LINGO2: variants seen among roughly 807,000 people sequenced by gnomAD.
The protein encoded by LINGO2 is leucine rich repeat and Ig domain containing 2, also known as leucine-rich repeat and immunoglobulin-like domain-containing nogo receptor-interacting protein 2.
In LINGO2, 14 loss-of-function variants were observed where a neutral mutation model predicts 30.6. That is an observed-to-expected ratio of 0.46 (90% CI 0.30 to 0.72). The LOEUF is 0.72. Ranked by LOEUF, LINGO2 falls within the 30% of genes least tolerant of loss-of-function variation. LINGO2 has a pLI of 0.07. For missense variants in LINGO2, 729 were observed against 751.7 expected, an observed-to-expected ratio of 0.97 and a Z score of 0.35; for synonymous variants, 317 against 288.5, an observed-to-expected ratio of 1.10 and a Z score of -1.00.
intron 2 of LINGO2, among the ~76,000 whole-genome samples, chr9:28,387,705 T>G (rs570377083): frequency 5.9e-5 from 9 of 151,592 alleles, no homozygotes; most frequent in East Asian, 5.8e-4. Context: ...CTGCGAAGGT[T>G]TGCAGCTTCA....
chr9:27,996,033 A>G (rs1220806485), intron 5 of LINGO2, among the ~76,000 whole-genome samples: 1 of 152,168 alleles, frequency 6.6e-6, no homozygotes, highest in Non-Finnish European at 1.5e-5. Context: ...TAAATGAAAA[A>G]AAATGCTCAC....
exon 6 of LINGO2, chr9:27,948,767 C>T: frequency 2.0e-6 from 3 of 1,466,880 alleles, no homozygotes; most frequent in East Asian, 2.3e-5. Flanking sequence ...ACATGGCTGC[C>T]TCTTAATCTA....
At chr9:28,397,657 C>G (rs1301213683) in intron 2 of LINGO2, among the ~76,000 whole-genome samples, 2 of 149,658 alleles carry the variant, frequency 1.3e-5, no homozygotes, top group African/African-American at 4.9e-5. Context: ...ACACCATTCT[C>G]CTGCCTCAGC....
chr9:28,054,457 TAC>T (rs1203198448), intron 4 of LINGO2, among the ~76,000 whole-genome samples: 1 of 152,156 alleles, frequency 6.6e-6, no homozygotes, highest in African/African-American at 2.4e-5. Context: ...CTGACATATA[TAC>T]ACACAATTTT....
chr9:28,645,630 G>A lies in LINGO2; in HGVS notation c.-365+24570C>T, dbSNP rs1827803030. ...AACTCTCCAGATAGATCATTTGAGG[G>A]GACTGGTGACTAGAAAAAAATAAGA... On this transcript the variant is annotated intron_variant, in intron 1 of 5. Coordinates refer to ENST00000379992, the Ensembl canonical transcript of LINGO2. 1.3e-5 allele frequency among the ~76,000 whole-genome samples: 2 copies of A among 151,752 alleles called. 1 individual carries two copies. The highest frequency in any genetic ancestry group is 1.3e-4 in the Admixed American group (2 of 15,244).
At chr9:28,239,584 C>T (rs887397539) in intron 4 of LINGO2, among the ~76,000 whole-genome samples, 25 of 151,974 alleles carry the variant, frequency 1.6e-4, no homozygotes, top group African/African-American at 2.7e-4. Context: ...AAGTTCAACA[C>T]GCCTTCATAA....
chr9:28,366,832 A>G (rs1342906085), intron 3 of LINGO2, among the ~76,000 whole-genome samples: 2 of 152,118 alleles, frequency 1.3e-5, no homozygotes, highest in Non-Finnish European at 2.9e-5. Flanking sequence ...CTATAATAAT[A>G]TATTAATGGT....
At chr9:29,029,512 A>C in the LINGO2 span, among the ~76,000 whole-genome samples, 1 of 152,130 alleles carries the variant, frequency 6.6e-6, no homozygotes, top group Non-Finnish European at 1.5e-5. Flanking sequence ...AAAATTCACT[A>C]TGTAATCCCC....
chr9:28,556,173 G>A (rs1285370199), intron 1 of LINGO2, among the ~76,000 whole-genome samples: 4 of 152,070 alleles, frequency 2.6e-5, no homozygotes, highest in African/African-American at 7.2e-5. Context: ...AGGAAATAAA[G>A]GGTATTCAAT....
the LINGO2 span, among the ~76,000 whole-genome samples, chr9:29,184,918 G>T: frequency 6.6e-6 from 1 of 152,040 alleles, no homozygotes; most frequent in Non-Finnish European, 1.5e-5. Context: ...TTTTTTGCAT[G>T]TGCTATCAGT....
At chr9:28,044,926 G>A (rs771892527) in intron 4 of LINGO2, among the ~76,000 whole-genome samples, 28 of 152,038 alleles carry the variant, frequency 1.8e-4, no homozygotes, top group Non-Finnish European at 3.5e-4. Context: ...TAGGAGCGAT[G>A]GTGTAAAACT....
At chr9:28,212,289 A>G (rs187163690) in intron 4 of LINGO2, among the ~76,000 whole-genome samples, 149 of 151,546 alleles carry the variant, frequency 9.8e-4, no homozygotes, top group Non-Finnish European at 1.9e-3. Flanking sequence ...TAATCTCATT[A>G]GTTTCATTTA....
chr9:28,679,186 C>T, the LINGO2 span, among the ~76,000 whole-genome samples: 2,043 of 151,998 alleles, frequency 0.013, 39 homozygotes, highest in East Asian at 0.081. Flanking sequence ...TTAGTGAGTA[C>T]AAAAACTTTG....
chr9:28,097,309 ATTT>A (rs2133294232), intron 4 of LINGO2, among the ~76,000 whole-genome samples: 1 of 152,052 alleles, frequency 6.6e-6, no homozygotes, highest in Non-Finnish European at 1.5e-5. Context: ...TAGAAATACC[ATTT>A]GACCCAGCCA....
chr9:28,575,534 T>G (rs1275633440), intron 1 of LINGO2, among the ~76,000 whole-genome samples: 3 of 151,498 alleles, frequency 2.0e-5, no homozygotes, highest in Admixed American at 6.6e-5. Context: ...ACATAGACAC[T>G]GGGGAGTTTC....
intron 4 of LINGO2, among the ~76,000 whole-genome samples, chr9:28,054,971 C>T (rs1450355947): frequency 6.6e-6 from 1 of 151,978 alleles, no homozygotes; most frequent in Non-Finnish European, 1.5e-5. Context: ...GTGAATACTC[C>T]TTACATAAGC....
the LINGO2 span, among the ~76,000 whole-genome samples, chr9:28,896,641 A>C: frequency 6.6e-6 from 1 of 152,086 alleles, no homozygotes; most frequent in Admixed American, 6.6e-5. Context: ...CTTTGGCTAG[A>C]AGGCCATTTA....
chr9:27,964,848 T>C (rs574373582), intron 5 of LINGO2, among the ~76,000 whole-genome samples: 3 of 152,154 alleles, frequency 2.0e-5, no homozygotes, highest in African/African-American at 7.2e-5. Flanking sequence ...TATTCCATAG[T>C]CTCTAGGAAT....
At chr9:28,514,940 A>AC (rs953115405) in intron 1 of LINGO2, among the ~76,000 whole-genome samples, 1 of 151,818 alleles carries the variant, frequency 6.6e-6, no homozygotes, top group Non-Finnish European at 1.5e-5. Flanking sequence ...CTATTTAAAA[A>AC]AAAAAAAGAA....
Sources: allele counts gnomAD v4.1 joint callset (sites outside exome capture counted in the v4.1 genomes callset), GRCh38; gene constraint gnomAD v4.1.1; transcripts MANE v1.5; gene names NCBI Gene and HGNC (gene_info 2026-07-23, HGNC 2026-07-21).